Variants in PKP4 observed in about 807,000 individuals in gnomAD.
PKP4 encodes plakophilin-4.
PKP4 carries 90 observed loss-of-function variants against 145.1 expected under a neutral mutation model. The ratio of observed to expected loss-of-function variants is 0.62; its 90% CI spans 0.52 to 0.74. The LOEUF is 0.74. Among genes scored for constraint, PKP4 ranks in the 30% least tolerant of loss-of-function variants. PKP4 has a pLI of 0.00. For missense variants in PKP4, 1,340 were observed against 1,482.7 expected, an observed-to-expected ratio of 0.90 and a Z score of 1.58; for synonymous variants, 563 against 577.2, an observed-to-expected ratio of 0.98 and a Z score of 0.35.
At chr2:158,474,129 A>G (rs1222924899) in intron 1 of PKP4, among the ~76,000 whole-genome samples, 2 of 152,226 alleles carry the variant, frequency 1.3e-5, no homozygotes, top group African/African-American at 4.8e-5. Flanking sequence ...ATAGTCATTA[A>G]CAAGTTTTAA....
At chr2:158,623,276 C>T (rs1045690639) in intron 6 of PKP4, among the ~76,000 whole-genome samples, 2 of 152,132 alleles carry the variant, frequency 1.3e-5, no homozygotes, top group Admixed American at 6.5e-5. Flanking sequence ...TGGGCTCAAG[C>T]GATTTTCCTG....
chr2:158,487,165 C>A (rs1042703229), intron 1 of PKP4, among the ~76,000 whole-genome samples: 2 of 152,154 alleles, frequency 1.3e-5, no homozygotes, highest in African/African-American at 4.8e-5. Context: ...GATTTTCACA[C>A]TGCCTGTCAG....
intron 1 of PKP4, among the ~76,000 whole-genome samples, chr2:158,498,160 T>A (rs910016464): frequency 6.6e-6 from 1 of 152,176 alleles, no homozygotes; most frequent in African/African-American, 2.4e-5. Context: ...TTTGTTATTT[T>A]TATTTTTATT....
chr2:158,650,370 T>C (rs1249915028), intron 11 of PKP4, among the ~76,000 whole-genome samples: 1 of 152,194 alleles, frequency 6.6e-6, no homozygotes, highest in Non-Finnish European at 1.5e-5. Flanking sequence ...AGTGGTAAAA[T>C]TACCTAGAAT....
chr2:158,478,191 T>C (rs1194377418), intron 1 of PKP4, among the ~76,000 whole-genome samples: 3 of 151,190 alleles, frequency 2.0e-5, no homozygotes, highest in African/African-American at 7.3e-5. Flanking sequence ...TTATCCCAGA[T>C]TTTAAAGACA....
At chr2:158,567,653 C>G (rs764302440) in intron 2 of PKP4, among the ~76,000 whole-genome samples, 1 of 152,128 alleles carries the variant, frequency 6.6e-6, no homozygotes, top group Admixed American at 6.5e-5. Flanking sequence ...AGCCTGGAGC[C>G]CAGTAAACCT....
chr2:158,610,244 T>C (rs1457501564), intron 4 of PKP4, among the ~76,000 whole-genome samples: 2 of 152,216 alleles, frequency 1.3e-5, no homozygotes, highest in Non-Finnish European at 2.9e-5. Context: ...GGGAATGTTA[T>C]GTTAGCGCTC....
intron 2 of PKP4, among the ~76,000 whole-genome samples, chr2:158,572,647 A>T (rs372393488): frequency 1.2e-4 from 18 of 152,344 alleles, no homozygotes; most frequent in African/African-American, 3.8e-4. Context: ...TGTCCCACAG[A>T]AGAGGACAGG....
At chr2:158,460,863 A>G (rs1689659861) in intron 1 of PKP4, among the ~76,000 whole-genome samples, 1 of 152,204 alleles carries the variant, frequency 6.6e-6, no homozygotes, top group Non-Finnish European at 1.5e-5. Flanking sequence ...TGAAGGGGGA[A>G]GAAGAATCTG....
chr2:158,502,519 T>G (rs1696736073), intron 1 of PKP4, among the ~76,000 whole-genome samples: 2 of 152,214 alleles, frequency 1.3e-5, no homozygotes, highest in African/African-American at 4.8e-5. Context: ...AACACATACT[T>G]GTCTCCAAGT....
In PKP4 at chr2:158,469,452, C is replaced by T. The variant is rs1007300197; in HGVS notation, c.-6+12234C>T. On this transcript the variant is annotated intron_variant, in intron 1 of 21. Coordinates refer to ENST00000389759, the MANE Select transcript of PKP4 (RefSeq NM_003628.6). ...CCTTCCCACCGTGCTTTTTGTGTGA[C>T]TGTTGTACATACCTCTGCCAGAGAA... Among the ~76,000 whole-genome samples, 51 of 152,036 alleles carry T rather than the reference C, an allele frequency of 3.4e-4. 1 individual carries two copies. The highest frequency in any genetic ancestry group is 7.2e-5 in the African/African-American group (3 of 41,414).
intron 1 of PKP4, among the ~76,000 whole-genome samples, chr2:158,485,417 C>G (rs1380728686): frequency 6.6e-6 from 1 of 152,136 alleles, no homozygotes; most frequent in Non-Finnish European, 1.5e-5. Flanking sequence ...AACCCTAGAC[C>G]CACGTTACTA....
At chr2:158,630,440 G>C (rs1407958638) in intron 7 of PKP4, among the ~76,000 whole-genome samples, 1 of 151,994 alleles carries the variant, frequency 6.6e-6, no homozygotes, top group East Asian at 1.9e-4. Context: ...AACAGTTTTT[G>C]GGTTTGATTT....
intron 9 of PKP4, among the ~76,000 whole-genome samples, chr2:158,636,253 T>C (rs1224801878): frequency 1.3e-5 from 2 of 152,078 alleles, no homozygotes; most frequent in Non-Finnish European, 2.9e-5. Flanking sequence ...TCTGAAAATA[T>C]TTCACTTGTT....
chr2:158,496,790 G>GTCTGTGTC (rs1553545779), intron 1 of PKP4, among the ~76,000 whole-genome samples: 393 of 150,058 alleles, frequency 2.6e-3, no homozygotes, highest in Middle Eastern at 0.01. Context: ...GTGTGTGTGT[G>GTCTGTGTC]TGTGTCTGTG....
chr2:158,520,729 C>A (rs1224038901), intron 1 of PKP4, among the ~76,000 whole-genome samples: 1 of 152,194 alleles, frequency 6.6e-6, no homozygotes, highest in Non-Finnish European at 1.5e-5. Flanking sequence ...ACAGAGGTAG[C>A]CACTCCTCTG....
At chr2:158,678,850 C>T (rs2058240209) in intron 21 of PKP4, 196 bp downstream of exon 21, 5 of 608,248 alleles carry the variant, frequency 8.2e-6, no homozygotes, top group Non-Finnish European at 1.5e-5. Flanking sequence ...CTTGAGTATC[C>T]ACATCGGTAC....
chr2:158,602,158 G>A (rs778574431), intron 3 of PKP4, among the ~76,000 whole-genome samples: 1 of 152,146 alleles, frequency 6.6e-6, no homozygotes, highest in Non-Finnish European at 1.5e-5. Context: ...GTGTCTGTAT[G>A]TGTTTAATGC....
At chr2:158,554,155 C>T (rs562551915) in intron 2 of PKP4, among the ~76,000 whole-genome samples, 35 of 150,132 alleles carry the variant, frequency 2.3e-4, no homozygotes, top group Admixed American at 4.0e-4. Context: ...CCTGGCTTTA[C>T]CATGCTTCCT....
Sources: gnomAD v4.1 joint callset for allele counts (sites outside exome capture counted in the v4.1 genomes callset) on GRCh38, gnomAD v4.1.1 for gene constraint, MANE v1.5 for transcripts, NCBI Gene and HGNC (gene_info 2026-07-23, HGNC 2026-07-21) for gene names.